GNPTAB: variants seen among roughly 807,000 people sequenced by gnomAD.
GNPTAB encodes the protein N-acetylglucosamine-1-phosphotransferase subunits alpha/beta.
In GNPTAB, 92 loss-of-function variants were observed where a neutral mutation model predicts 136.6. The ratio of observed to expected loss-of-function variants is 0.67; its 90% CI spans 0.57 to 0.80. The LOEUF is 0.80. Ranked by LOEUF, GNPTAB falls within the 30% of genes least tolerant of loss-of-function variation. The pLI is 0.00. For synonymous variants in GNPTAB, 512 were observed against 535.1 expected, an observed-to-expected ratio of 0.96 and a Z score of 0.60; for missense variants, 1,343 against 1,501.8, an observed-to-expected ratio of 0.89 and a Z score of 1.75.
chr12:101,757,097 C>T (rs773640858), intron 18 of GNPTAB, 115 bp downstream of exon 18: 9 of 659,880 alleles, frequency 1.4e-5, no homozygotes, highest in Admixed American at 5.1e-5. Context: ...TCCAACACTG[C>T]CTGCACTGTT....
At chr12:101,761,064 G>T in intron 15 of GNPTAB, 63 bp downstream of exon 15, 1 of 1,259,848 alleles carries the variant, frequency 7.9e-7, no homozygotes, top group Non-Finnish European at 1.1e-6. Flanking sequence ...GAGCCACTGC[G>T]CCTGACCAGA....
chr12:101,830,444 G>A (rs928563535), intron 1 of GNPTAB, 115 bp downstream of exon 1: 20 of 679,574 alleles, frequency 2.9e-5, no homozygotes, highest in Non-Finnish European at 4.6e-5. Context: ...GGGCAACATG[G>A]CAAAACCCCG....
intron 16 of GNPTAB, among the ~76,000 whole-genome samples, chr12:101,759,784 T>C (rs1190611807): frequency 6.6e-6 from 1 of 152,228 alleles, no homozygotes; most frequent in East Asian, 1.9e-4. Context: ...CTGTCACCCT[T>C]AGTAAACAGG....
chr12:101,758,675 C>G (rs1035452499), intron 16 of GNPTAB, among the ~76,000 whole-genome samples: 1 of 152,254 alleles, frequency 6.6e-6, no homozygotes, highest in African/African-American at 2.4e-5. Context: ...AACTAATCTA[C>G]ACGTGATAGG....
chr12:101,819,275 G>C (rs1384778649), intron 1 of GNPTAB, among the ~76,000 whole-genome samples: 1 of 152,172 alleles, frequency 6.6e-6, no homozygotes, highest in East Asian at 1.9e-4. Flanking sequence ...GCCTCCCAAA[G>C]TGCTGGGATT....
chr12:101,774,409 T>C (rs1449305322), intron 7 of GNPTAB, among the ~76,000 whole-genome samples: 1 of 152,246 alleles, frequency 6.6e-6, no homozygotes, highest in Non-Finnish European at 1.5e-5. Flanking sequence ...GCATGACAGA[T>C]ATGGAAACCA....
chr12:101,804,792 A>T (rs1281454181), intron 1 of GNPTAB, among the ~76,000 whole-genome samples: 1 of 152,228 alleles, frequency 6.6e-6, no homozygotes, highest in African/African-American at 2.4e-5. Flanking sequence ...AAAATACACA[A>T]GGTGGCAAGT....
At chr12:101,762,189 AG>A (rs779360875) in intron 13 of GNPTAB, among the ~76,000 whole-genome samples, 2 of 152,374 alleles carry the variant, frequency 1.3e-5, no homozygotes, top group Non-Finnish European at 2.9e-5. Flanking sequence ...CGCAAGGACT[AG>A]AAACAAATTT....
At chr12:101,795,504 G>A (rs111860685) in intron 2 of GNPTAB, among the ~76,000 whole-genome samples, 5 of 152,254 alleles carry the variant, frequency 3.3e-5, no homozygotes, top group African/African-American at 9.6e-5. Flanking sequence ...TGTAACCTCA[G>A]CACTTTGGAA....
chr12:101,816,015 C>A (rs575520526), intron 1 of GNPTAB, among the ~76,000 whole-genome samples: 1 of 152,150 alleles, frequency 6.6e-6, no homozygotes, highest in Non-Finnish European at 1.5e-5. Flanking sequence ...TGAAACTGGA[C>A]CCCTACCTCT....
At chr12:101,808,964 C>G (rs1453221693) in intron 1 of GNPTAB, among the ~76,000 whole-genome samples, 1 of 152,258 alleles carries the variant, frequency 6.6e-6, no homozygotes, top group Non-Finnish European at 1.5e-5. Context: ...AACTTCTGCT[C>G]TGCTCTGGGA....
In GNPTAB at chr12:101,793,037, G is replaced by A. The variant is rs12301654; in HGVS notation, c.204-2980C>T. Among the ~76,000 whole-genome samples, 552 of 152,132 alleles carry A rather than the reference G, an allele frequency of 3.6e-3. 3 individuals carry two copies. Among genetic ancestry groups the A allele is most frequent in the African/African-American group, 0.013 (531 of 41,492 alleles). ...GATTTATATGTAGGTTACACACTTC[G>A]CTTTTTTTCCCCACTAAAATGCCAA... On this transcript the variant is annotated intron_variant, in intron 2 of 20. Coordinates refer to ENST00000299314, the MANE Select transcript of GNPTAB (RefSeq NM_024312.5).
In GNPTAB at chr12:101,764,910, A is replaced by G. The variant is rs767815801; in HGVS notation, c.2007T>C (p.Ile669=). Residue 669 remains isoleucine (I), a synonymous_variant, in exon 13 of 21, where the codon ATT becomes ATC. Coordinates refer to ENST00000299314, the MANE Select transcript of GNPTAB (RefSeq NM_024312.5). The part of the protein sequence containing the change: ...LPEAEILFED[I]PKEKRFPKFK... Reference sequence around the variant, plus strand: ...ACTTCGGGAAGCGTTTTTCTTTGGGAATATCCTCAAAAAGGATTTCCGCCT... The same window carrying G: ...ACTTCGGGAAGCGTTTTTCTTTGGGGATATCCTCAAAAAGGATTTCCGCCT... 6.2e-7 allele frequency: 1 copy of G among 1,614,164 alleles called. No individual in the cohort carries two copies. The highest frequency in any genetic ancestry group is 1.3e-5 in the African/African-American group (1 of 75,036).
At chr12:101,800,992 C>T (rs1030865230) in intron 1 of GNPTAB, among the ~76,000 whole-genome samples, 12 of 151,474 alleles carry the variant, frequency 7.9e-5, no homozygotes, top group Non-Finnish European at 1.3e-4. Flanking sequence ...CCAGCACTTT[C>T]GGAGGCTGAG....
chr12:101,757,681 A>C, intron 16 of GNPTAB, 24 bp from the exon 17 acceptor site: 1 of 1,146,462 alleles, frequency 8.7e-7, no homozygotes, highest in Non-Finnish European at 1.3e-6. Flanking sequence ...TAAGTAGATC[A>C]GATATCACAT....
intron 1 of GNPTAB, among the ~76,000 whole-genome samples, chr12:101,829,003 A>T (rs558774059): frequency 5.1e-4 from 77 of 152,268 alleles, no homozygotes; most frequent in African/African-American, 1.7e-3. Context: ...CTTTTCCATT[A>T]TGCCTTACAA....
chr12:101,783,476 T>C (rs1868461047), intron 5 of GNPTAB, among the ~76,000 whole-genome samples: 1 of 152,218 alleles, frequency 6.6e-6, no homozygotes, highest in Non-Finnish European at 1.5e-5. Flanking sequence ...GGAAGCAGTT[T>C]GTGGTTCCTT....
At chr12:101,751,248 C>G (rs928386266) in intron 19 of GNPTAB, among the ~76,000 whole-genome samples, 1 of 152,228 alleles carries the variant, frequency 6.6e-6, no homozygotes, top group Non-Finnish European at 1.5e-5. Context: ...ATGGAAGTGT[C>G]ATTTTCATAA....
At chr12:101,766,352 T>A (rs1953093304) in intron 11 of GNPTAB, 58 bp from the exon 12 acceptor site, 2 of 1,471,376 alleles carry the variant, frequency 1.4e-6, no homozygotes, top group Admixed American at 3.4e-5. Context: ...GAAAGACAGT[T>A]CTGGACTGGG....
Sources: gnomAD v4.1 joint callset for allele counts (sites outside exome capture counted in the v4.1 genomes callset) on GRCh38, gnomAD v4.1.1 for gene constraint, MANE v1.5 for transcripts, NCBI Gene and HGNC (gene_info 2026-07-23, HGNC 2026-07-21) for gene names.